The following DCLK3 variants were observed in gnomAD, a reference collection of about 807,000 sequenced individuals.
DCLK3 encodes serine/threonine-protein kinase DCLK3.
In DCLK3, 30 loss-of-function variants were observed where a neutral mutation model predicts 46.4. That is an observed-to-expected ratio of 0.65 (90% CI 0.48 to 0.88). The LOEUF is 0.88. DCLK3 is among the 40% of genes least tolerant of loss of function. The pLI, the probability that DCLK3 is intolerant of heterozygous loss-of-function variation, is 0.00. For synonymous variants in DCLK3, 401 were observed against 339.2 expected (o/e 1.18, Z -2.00); for missense variants, 846 against 907.1 (o/e 0.93, Z 0.87).
intron 1 of DCLK3, among the ~76,000 whole-genome samples, chr3:36,758,192 T>A (rs1701505194): frequency 6.6e-6 from 1 of 152,196 alleles, no homozygotes. Context: ...TTCTCAAAAT[T>A]GTGTTTTGTT....
chr3:36,742,979 T>A (rs1024972155), intron 1 of DCLK3, among the ~76,000 whole-genome samples: 1 of 151,946 alleles, frequency 6.6e-6, no homozygotes, highest in African/African-American at 2.4e-5. Context: ...CCTGCCCGAG[T>A]CCACTCAGCT....
intron 2 of DCLK3, among the ~76,000 whole-genome samples, chr3:36,723,028 C>T (rs1701081271): frequency 6.6e-6 from 1 of 152,148 alleles, no homozygotes; most frequent in African/African-American, 2.4e-5. Flanking sequence ...TTCCTAGAGA[C>T]TTGTTGAATG....
intron 1 of DCLK3, among the ~76,000 whole-genome samples, chr3:36,755,108 T>A (rs1701474313): frequency 6.6e-6 from 1 of 152,174 alleles, no homozygotes; most frequent in Non-Finnish European, 1.5e-5. Flanking sequence ...AAAAAATGTG[T>A]ATGAGCAACA....
At chr3:36,761,963 A>G (rs1575149768) in intron 1 of DCLK3, among the ~76,000 whole-genome samples, 1 of 152,180 alleles carries the variant, frequency 6.6e-6, no homozygotes, top group African/African-American at 2.4e-5. Context: ...TATTTAGGGG[A>G]AAAAAGGGGA....
Position 36,738,484 on chromosome 3 carries a change from G to A in DCLK3, c.683C>T (p.Thr228Ile). 2 of 1,489,086 alleles carry A rather than the reference G, an allele frequency of 1.3e-6. No individual in the cohort carries two copies. The highest frequency in any genetic ancestry group is 1.4e-5 in the South Asian group (1 of 69,714). The allele number at this position is 1,489,086 out of a possible 1,614,324, so 92.2% of individuals were successfully genotyped here. A position where few individuals can be genotyped will look rare whatever the true frequency, so the allele number is the denominator to read the frequency against. Residue 228 changes from threonine to isoleucine, a missense_variant, in exon 2 of 5, where the codon ACC becomes ATC. Physicochemically the swap from Thr to Ile is moderately conservative, Grantham distance 89. Coordinates refer to ENST00000636136, the MANE Select transcript of DCLK3 (RefSeq NM_001394672.2). The part of the protein sequence containing the change: ...KGDHRCGETE[T>I]PKSCSEVAGC... ...TGCAACTTCGCTGCAGCTCTTGGGG[G>A]TCTCGGTCTCCCCACAGCGGTGGTC...
At chr3:36,715,601 A>G in intron 4 of DCLK3, 80 bp from the exon 5 acceptor site, 1 of 1,458,796 alleles carries the variant, frequency 6.9e-7, no homozygotes, top group Non-Finnish European at 9.1e-7. Context: ...AAATAAGAAC[A>G]TAAACATTCA....
intron 1 of DCLK3, among the ~76,000 whole-genome samples, chr3:36,762,211 A>G (rs1046803217): frequency 2.0e-5 from 3 of 152,182 alleles, no homozygotes; most frequent in Non-Finnish European, 4.4e-5. Flanking sequence ...ACCTTTTGTG[A>G]ATTCATACAA....
intron 3 of DCLK3, 130 bp from the exon 4 acceptor site, chr3:36,718,307 A>C: frequency 7.9e-7 from 1 of 1,269,226 alleles, no homozygotes; most frequent in Non-Finnish European, 1.1e-6. Flanking sequence ...TCAGCAACCA[A>C]GAGCCACTTC....
intron 1 of DCLK3, among the ~76,000 whole-genome samples, chr3:36,748,834 G>A (rs1701415059): frequency 6.6e-6 from 1 of 152,130 alleles, no homozygotes; most frequent in Non-Finnish European, 1.5e-5. Flanking sequence ...TCTGAAGCAG[G>A]TTGACCCTCT....
At chr3:36,718,294 C>G (rs1701011458) in intron 3 of DCLK3, 117 bp from the exon 4 acceptor site, 1 of 1,425,300 alleles carries the variant, frequency 7.0e-7, no homozygotes, top group African/African-American at 1.4e-5. Context: ...AGGATCCCAG[C>G]TCTCAGCAAC....
intron 2 of DCLK3, among the ~76,000 whole-genome samples, chr3:36,734,039 T>C (rs1701230092): frequency 6.6e-6 from 1 of 152,160 alleles, no homozygotes; most frequent in South Asian, 2.1e-4. Context: ...AACAATTAGT[T>C]TGACAATATA....
chr3:36,727,373 T>C (rs1701136333), intron 2 of DCLK3, among the ~76,000 whole-genome samples: 1 of 152,174 alleles, frequency 6.6e-6, no homozygotes, highest in African/African-American at 2.4e-5. Context: ...GTGAAATAAG[T>C]GAAACATTAC....
chr3:36,743,854 C>T (rs2125533849), intron 1 of DCLK3, among the ~76,000 whole-genome samples: 1 of 152,242 alleles, frequency 6.6e-6, no homozygotes, highest in East Asian at 1.9e-4. Context: ...CCTCCACTCC[C>T]CCACCAATCC....
Position 36,764,542 on chromosome 3 carries a change from C to G in DCLK3, c.-279G>C, listed in dbSNP as rs1383290959. 6.6e-6 allele frequency among the ~76,000 whole-genome samples: 1 copy of G among 152,270 alleles called. No individual in the cohort carries two copies. The highest frequency in any genetic ancestry group is 2.1e-4 in the South Asian group (1 of 4,830). ...TCTGCGCCGGTCCCGCCATGCGCGC[C>G]GCTCCTGGCCCTGGAGGCCGGGCGG... On this transcript the variant is annotated 5_prime_UTR_variant, in exon 1 of 5. Transcript: ENST00000636136. This position sits in a 1 kb window ranked among gnomAD's most constrained non-coding sequence, Gnocchi z 4.9.
At chr3:36,715,978 G>A (rs1482780094) in intron 4 of DCLK3, among the ~76,000 whole-genome samples, 1 of 152,128 alleles carries the variant, frequency 6.6e-6, no homozygotes, top group African/African-American at 2.4e-5. Context: ...GTTTCAAATC[G>A]AAACTAACAC....
Position 36,761,105 on chromosome 3 carries a change from T to C in DCLK3, c.82+3077A>G, listed in dbSNP as rs141415572. On this transcript the variant is annotated intron_variant, in intron 1 of 4. Coordinates refer to ENST00000636136, the MANE Select transcript of DCLK3 (RefSeq NM_001394672.2). Reference sequence around the variant, plus strand: ...GCCCAAGCAGCTCTGGAGACTTCCCTGTCCCTTCATGCAGCCACTGATCTG... The same window carrying C: ...GCCCAAGCAGCTCTGGAGACTTCCCCGTCCCTTCATGCAGCCACTGATCTG... Among the ~76,000 whole-genome samples, 854 of 152,330 alleles carry C rather than the reference T, an allele frequency of 5.6e-3. 7 individuals are homozygous for C. Among genetic ancestry groups the C allele is most frequent in the South Asian group, 0.015 (72 of 4,824 alleles).
chr3:36,763,897 C>T (rs928037566), intron 1 of DCLK3, among the ~76,000 whole-genome samples: 2 of 152,246 alleles, frequency 1.3e-5, no homozygotes, highest in Admixed American at 1.3e-4. Flanking sequence ...AGGAAGGGCC[C>T]CCCTGCTGGC....
intron 2 of DCLK3, among the ~76,000 whole-genome samples, chr3:36,728,520 C>A (rs561199085): frequency 2.1e-4 from 32 of 152,250 alleles, no homozygotes; most frequent in Admixed American, 7.2e-4. Flanking sequence ...CAATTGGTGT[C>A]TCTCTGTCTC....
chr3:36,729,002 A>G (rs1191577265), intron 2 of DCLK3, among the ~76,000 whole-genome samples: 1 of 151,870 alleles, frequency 6.6e-6, no homozygotes, highest in Non-Finnish European at 1.5e-5. Context: ...TTTCCTCACA[A>G]CCTCAGAGAG....
Sources: allele counts gnomAD v4.1 joint callset (sites outside exome capture counted in the v4.1 genomes callset), GRCh38; gene constraint gnomAD v4.1.1; non-coding constraint Gnocchi (gnomAD v3.1); transcripts MANE v1.5; gene names NCBI Gene and HGNC (gene_info 2026-07-23, HGNC 2026-07-21).